The following SLC4A10 variants were observed in gnomAD, a reference collection of about 807,000 sequenced individuals.
SLC4A10 encodes the protein sodium-driven chloride bicarbonate exchanger.
SLC4A10 carries 42 observed loss-of-function variants against 137.7 expected under a neutral mutation model. That is an observed-to-expected ratio of 0.30 (90% confidence interval 0.24 to 0.39). The LOEUF (loss-of-function observed/expected upper bound fraction) is 0.39. Among genes scored for constraint, SLC4A10 ranks in the 10% least tolerant of loss-of-function variants. The pLI is 1.00. For synonymous variants in SLC4A10, 474 were observed against 464.1 expected (o/e 1.02, Z -0.27); for missense variants, 925 against 1,355.0 (o/e 0.68, Z 4.98).
chr2:161,760,732 C>T (rs1163366411), intron 1 of SLC4A10, among the ~76,000 whole-genome samples: 1 of 152,064 alleles, frequency 6.6e-6, no homozygotes, highest in African/African-American at 2.4e-5. Context: ...TTGAGTGTCA[C>T]TTATTGTATT....
chr2:161,853,842 A>C (rs892701341), intron 4 of SLC4A10, among the ~76,000 whole-genome samples: 2 of 151,822 alleles, frequency 1.3e-5, no homozygotes, highest in Non-Finnish European at 2.9e-5. Context: ...TTTGCTTCCT[A>C]AACACTAAAA....
chr2:161,769,746 C>T (rs186793119), intron 1 of SLC4A10, among the ~76,000 whole-genome samples: 2 of 151,820 alleles, frequency 1.3e-5, no homozygotes, highest in Non-Finnish European at 2.9e-5. Context: ...TATAAGAATT[C>T]TCCAAGATTG....
At chr2:161,812,667 C>T (rs1228658679) in intron 3 of SLC4A10, among the ~76,000 whole-genome samples, 1 of 152,074 alleles carries the variant, frequency 6.6e-6, no homozygotes, top group Non-Finnish European at 1.5e-5. Context: ...TGGCCTCCAG[C>T]TGCATTCATG....
intron 1 of SLC4A10, among the ~76,000 whole-genome samples, chr2:161,660,624 C>CTTTCTTCCTTTCCTTCT (rs1428745312): frequency 7.7e-6 from 1 of 129,296 alleles, no homozygotes; most frequent in Non-Finnish European, 1.7e-5. Flanking sequence ...TTCTTTCTTT[C>CTTTCTTCCTTTCCTTCT]TTCCTTTCCT....
intron 1 of SLC4A10, among the ~76,000 whole-genome samples, chr2:161,647,543 A>T (rs1174571266): frequency 6.6e-6 from 1 of 152,114 alleles, no homozygotes; most frequent in Non-Finnish European, 1.5e-5. Context: ...ATTTGAAATG[A>T]ATTTTAAAGC....
chr2:161,964,685 A>G (rs186859479), intron 22 of SLC4A10, among the ~76,000 whole-genome samples: 128 of 152,308 alleles, frequency 8.4e-4, no homozygotes, highest in African/African-American at 3.0e-3. Context: ...GTGAATTTGA[A>G]TGACTAAATA....
chr2:161,709,376 A>T (rs2044041128), intron 1 of SLC4A10, among the ~76,000 whole-genome samples: 1 of 151,660 alleles, frequency 6.6e-6, no homozygotes, highest in Non-Finnish European at 1.5e-5. Context: ...TCTGACCTAT[A>T]AACTAATTTC....
At chr2:161,804,962 A>G (rs2055777143) in intron 3 of SLC4A10, among the ~76,000 whole-genome samples, 2 of 152,190 alleles carry the variant, frequency 1.3e-5, no homozygotes, top group South Asian at 4.1e-4. Context: ...TTTCAGTCTT[A>G]GGATGTTGTA....
At chr2:161,813,027 C>A (rs1482462479) in intron 3 of SLC4A10, among the ~76,000 whole-genome samples, 2 of 151,858 alleles carry the variant, frequency 1.3e-5, no homozygotes, top group African/African-American at 4.8e-5. Context: ...TACATTTTAG[C>A]CTGTCCTTTC....
rs543099176 is a variant in SLC4A10, at chr2:161,941,659, C to G, written c.1998-1133C>G. 2.0e-5 allele frequency among the ~76,000 whole-genome samples: 3 copies of G among 152,262 alleles called. No individual in the cohort carries two copies. In the South Asian group the frequency reaches 6.2e-4, roughly 32 times the overall value. On this transcript the variant is annotated intron_variant, in intron 15 of 26. Coordinates refer to ENST00000446997, the MANE Select transcript of SLC4A10 (RefSeq NM_001178015.2). ...ATTGGGAAGGAATGCTAGCCAGTTG[C>G]TGTGTCGAAACTACAAAAAGCAAGG...
At chr2:161,823,376 T>C (rs1464774003) in intron 3 of SLC4A10, among the ~76,000 whole-genome samples, 1 of 152,240 alleles carries the variant, frequency 6.6e-6, no homozygotes, top group Non-Finnish European at 1.5e-5. Flanking sequence ...CAGTATCCAC[T>C]TAAAACACCT....
intron 2 of SLC4A10, among the ~76,000 whole-genome samples, chr2:161,783,708 C>A (rs2053308616): frequency 6.6e-6 from 1 of 151,522 alleles, no homozygotes; most frequent in Admixed American, 6.6e-5. Context: ...AAAAAATAGA[C>A]TGTCATTACT....
At chr2:161,735,818 T>C (rs1006427) in intron 1 of SLC4A10, among the ~76,000 whole-genome samples, 12,374 of 152,176 alleles carry the variant, frequency 0.081, 643 homozygotes, top group East Asian at 0.14. Context: ...CTATCAGACC[T>C]CAAAATCTAG....
intron 3 of SLC4A10, among the ~76,000 whole-genome samples, chr2:161,839,113 G>T (rs762524250): frequency 2.6e-5 from 4 of 152,214 alleles, no homozygotes; most frequent in Non-Finnish European, 5.9e-5. Flanking sequence ...TCCTGCAATG[G>T]ACTGTTACTC....
rs763595834 is a variant in SLC4A10, at chr2:161,882,345, T to G, written c.1107-12T>G. 6.6e-7 allele frequency: 1 copy of G among 1,507,092 alleles called. No individual in the cohort carries two copies. Among genetic ancestry groups the G allele is most frequent in the South Asian group, 1.3e-5 (1 of 76,928 alleles). 93.4% of individuals were successfully genotyped at this position (1,507,092 alleles called of 1,614,324 possible). A position where few individuals can be genotyped will look rare whatever the true frequency, so the allele number is the denominator to read the frequency against. On this transcript the variant is annotated splice_polypyrimidine_tract_variant and intron_variant, in intron 9 of 26. Transcript: ENST00000446997. Reference sequence around the variant, plus strand: ...TTCTACCTTAAAACATTTTTTTTCTTCTTAATTACAGATTTTTGTTCATTC... The same window carrying G: ...TTCTACCTTAAAACATTTTTTTTCTGCTTAATTACAGATTTTTGTTCATTC...
intron 2 of SLC4A10, among the ~76,000 whole-genome samples, chr2:161,772,591 C>A (rs1036425440): frequency 2.6e-5 from 4 of 151,836 alleles, no homozygotes; most frequent in African/African-American, 7.2e-5. Context: ...ATTGGTAGAG[C>A]ACAACTGGAT....
At chr2:161,921,743 CAT>C (rs1240931787) in intron 15 of SLC4A10, among the ~76,000 whole-genome samples, 2 of 152,202 alleles carry the variant, frequency 1.3e-5, no homozygotes, top group Non-Finnish European at 2.9e-5. Flanking sequence ...CTCAATATCA[CAT>C]ATACAATAAA....
intron 19 of SLC4A10, among the ~76,000 whole-genome samples, chr2:161,955,756 G>A (rs930190424): frequency 2.6e-5 from 4 of 152,070 alleles, no homozygotes; most frequent in Non-Finnish European, 5.9e-5. Flanking sequence ...GGCTATAAGA[G>A]CTCTCATACT....
At chr2:161,822,510 T>G (rs2057707058) in intron 3 of SLC4A10, among the ~76,000 whole-genome samples, 1 of 152,192 alleles carries the variant, frequency 6.6e-6, no homozygotes, top group Non-Finnish European at 1.5e-5. Context: ...AAATGGCTAT[T>G]CAAAGTACTG....
Sources: gnomAD v4.1 joint callset for allele counts (sites outside exome capture counted in the v4.1 genomes callset) on GRCh38, gnomAD v4.1.1 for gene constraint, MANE v1.5 for transcripts, NCBI Gene and HGNC (gene_info 2026-07-23, HGNC 2026-07-21) for gene names.